ULK4: variants seen among roughly 807,000 people sequenced by gnomAD.
ULK4 encodes inactive serine/threonine-protein kinase ULK4.
A neutral mutation model predicts 160.6 loss-of-function variants in ULK4; 133 were observed. The ratio of observed to expected loss-of-function variants is 0.83; its 90% CI spans 0.72 to 0.96. The LOEUF is 0.96. Ranked by LOEUF, ULK4 falls within the 40% of genes least tolerant of loss-of-function variation. The pLI, the probability that ULK4 is intolerant of heterozygous loss-of-function variation, is 0.00. For synonymous variants in ULK4, 534 were observed against 539.8 expected (o/e 0.99, Z 0.15); for missense variants, 1,580 against 1,499.5 (o/e 1.05, Z -0.89).
chr3:41,589,868 C>T lies in ULK4; in HGVS notation c.3121-23738G>A, dbSNP rs547252777. The stretch of plus-strand genomic sequence containing the variant: ...AAAAATCAGTCAAAAAAATAAAGAC[C>T]AGAAATGACAAATAGTCCAAGTTCA... On this transcript the variant is annotated intron_variant, in intron 31 of 36. Coordinates refer to ENST00000301831, the MANE Select transcript of ULK4 (RefSeq NM_017886.4). 6.6e-5 allele frequency among the ~76,000 whole-genome samples: 10 copies of T among 152,014 alleles called. No individual in the cohort carries two copies. The South Asian group carries it at 1.0e-3, about 16-fold the overall frequency.
At chr3:41,476,086 G>T (rs1172908973) in intron 32 of ULK4, among the ~76,000 whole-genome samples, 1 of 150,306 alleles carries the variant, frequency 6.7e-6, no homozygotes, top group Non-Finnish European at 1.5e-5. Context: ...GAGGAGGGAG[G>T]GAGGGCAAGC....
At chr3:41,471,145 G>A (rs2083980534) in intron 32 of ULK4, among the ~76,000 whole-genome samples, 1 of 151,958 alleles carries the variant, frequency 6.6e-6, no homozygotes, top group African/African-American at 2.4e-5. Context: ...TGAAAGTGAA[G>A]GAATGGAAAA....
chr3:41,652,501 C>T (rs2034781469), intron 30 of ULK4, among the ~76,000 whole-genome samples: 1 of 152,158 alleles, frequency 6.6e-6, no homozygotes, highest in South Asian at 2.1e-4. Flanking sequence ...GGAGGGATAT[C>T]AGCCCTATCA....
chr3:41,829,933 T>C (rs570472162), intron 18 of ULK4, among the ~76,000 whole-genome samples: 64 of 151,824 alleles, frequency 4.2e-4, no homozygotes, highest in African/African-American at 1.6e-3. Context: ...TAAGAAAATG[T>C]GGTACATATA....
At chr3:41,723,128 T>C (rs1050522854) in intron 22 of ULK4, among the ~76,000 whole-genome samples, 5 of 152,176 alleles carry the variant, frequency 3.3e-5, no homozygotes, top group African/African-American at 1.2e-4. Context: ...CCTTTAGTCT[T>C]AATTTGAATT....
At position 41,772,215 on chromosome 3, in the gene ULK4, G is replaced by A. The variant is rs972844679; in HGVS notation, c.2193+17446C>T. ...CTAGCAGAAAGCAAGAAATAACTAT[G>A]ATCAGAGCAGAACTGAAGGAGATAG... On this transcript the variant is annotated intron_variant, in intron 21 of 36. Transcript: ENST00000301831. 2.6e-5 allele frequency among the ~76,000 whole-genome samples: 4 copies of A among 152,176 alleles called. No homozygotes were observed. In the East Asian group the frequency reaches 5.8e-4, roughly 22 times the overall value.
At chr3:41,507,410 C>A (rs980486091) in intron 32 of ULK4, among the ~76,000 whole-genome samples, 1 of 151,522 alleles carries the variant, frequency 6.6e-6, no homozygotes, top group Non-Finnish European at 1.5e-5. Context: ...ACTAAGTACC[C>A]ACAAGAGAAA....
intron 33 of ULK4, 55 bp downstream of exon 33, chr3:41,463,032 G>T: frequency 6.4e-7 from 1 of 1,555,964 alleles, no homozygotes; most frequent in Non-Finnish European, 8.8e-7. Context: ...GAGAATGAAA[G>T]GGAAGCATGA....
chr3:41,343,833 G>A (rs147099706), intron 35 of ULK4, among the ~76,000 whole-genome samples: 24 of 152,188 alleles, frequency 1.6e-4, no homozygotes, highest in Admixed American at 1.1e-3. Context: ...AAAAACCACC[G>A]CTCAAATAAA....
intron 32 of ULK4, among the ~76,000 whole-genome samples, chr3:41,564,551 C>T (rs975110927): frequency 1.3e-5 from 2 of 148,380 alleles, no homozygotes. Flanking sequence ...CTCCACCTCC[C>T]CACTTCAAGC....
intron 34 of ULK4, among the ~76,000 whole-genome samples, chr3:41,398,991 A>G (rs140762063): frequency 3.8e-4 from 58 of 152,178 alleles, no homozygotes; most frequent in Non-Finnish European, 5.9e-4. Flanking sequence ...TATTATTATT[A>G]ACTATAGTGC....
intron 34 of ULK4, among the ~76,000 whole-genome samples, chr3:41,431,354 C>CT (rs2082901251): frequency 8.7e-6 from 1 of 114,384 alleles, no homozygotes; most frequent in Non-Finnish European, 1.8e-5. Flanking sequence ...CACACACACA[C>CT]AAATAATAAT....
At position 41,478,265 on chromosome 3, in the gene ULK4, T is replaced by C. The variant is rs73828061; in HGVS notation, c.3227-15012A>G. The stretch of plus-strand genomic sequence containing the variant: ...TGAAGTAAAGTACCCCATCAAATCC[T>C]ATAATCCGAAAGAACCTGATGAATC... On this transcript the variant is annotated intron_variant, in intron 32 of 36. Transcript: ENST00000301831. Among the ~76,000 whole-genome samples the C allele has an allele frequency of 2.5e-3, 388 of 152,338 alleles. 1 individual carries two copies. The highest frequency in any genetic ancestry group is 8.9e-3 in the African/African-American group (372 of 41,576).
At chr3:41,370,074 C>G (rs545113670) in intron 35 of ULK4, among the ~76,000 whole-genome samples, 1 of 152,092 alleles carries the variant, frequency 6.6e-6, no homozygotes, top group African/African-American at 2.4e-5. Flanking sequence ...CGTTAAAGGG[C>G]CCGGTATCTG....
intron 21 of ULK4, among the ~76,000 whole-genome samples, chr3:41,769,791 T>C (rs1000834425): frequency 6.6e-6 from 1 of 152,148 alleles, no homozygotes; most frequent in African/African-American, 2.4e-5. Context: ...AAGGCAAATA[T>C]TAGATGGTAA....
At chr3:41,869,491 G>A (rs942980307) in intron 17 of ULK4, among the ~76,000 whole-genome samples, 6 of 152,160 alleles carry the variant, frequency 3.9e-5, no homozygotes, top group Non-Finnish European at 1.5e-5. Flanking sequence ...TGAGGCATGA[G>A]AATCACTTGA....
At chr3:41,306,166 CCA>C (rs1173372450) in intron 35 of ULK4, among the ~76,000 whole-genome samples, 1 of 105,940 alleles carries the variant, frequency 9.4e-6, no homozygotes. Flanking sequence ...GCCAGCCGCC[CCA>C]TCCGGGAGGG....
intron 35 of ULK4, among the ~76,000 whole-genome samples, chr3:41,273,681 G>C (rs1304208989): frequency 2.0e-5 from 3 of 152,144 alleles, no homozygotes; most frequent in Non-Finnish European, 2.9e-5. Context: ...TTGCTAGAGT[G>C]GGGGTGTGGG....
At chr3:41,386,373 T>A (rs1252332610) in intron 35 of ULK4, among the ~76,000 whole-genome samples, 3 of 152,180 alleles carry the variant, frequency 2.0e-5, no homozygotes, top group African/African-American at 7.2e-5. Flanking sequence ...AAACTTATCA[T>A]ATTAAATGGG....
Sources: gnomAD v4.1 joint callset for allele counts (sites outside exome capture counted in the v4.1 genomes callset) on GRCh38, gnomAD v4.1.1 for gene constraint, MANE v1.5 for transcripts, NCBI Gene and HGNC (gene_info 2026-07-23, HGNC 2026-07-21) for gene names.